NBEA: variants seen among roughly 807,000 people sequenced by gnomAD.
NBEA encodes the protein lysosomal-trafficking regulator 2.
Under a neutral mutation model 343.4 loss-of-function variants are expected in NBEA, and 44 were observed. The ratio of observed to expected loss-of-function variants is 0.13; its 90% confidence interval spans 0.10 to 0.16. The LOEUF is 0.16. Among genes scored for constraint, NBEA ranks in the 10% least tolerant of loss-of-function variants. The pLI, the probability that NBEA is intolerant of heterozygous loss-of-function variation, is 1.00. For synonymous variants in NBEA, 1,175 were observed against 1,238.7 expected, an observed-to-expected ratio of 0.95 and a Z score of 1.08; for missense variants, 2,555 against 3,631.3, an observed-to-expected ratio of 0.70 and a Z score of 7.62.
intron 1 of NBEA, among the ~76,000 whole-genome samples, chr13:34,987,148 G>A (rs1363467047): frequency 6.6e-6 from 1 of 151,066 alleles, no homozygotes; most frequent in African/African-American, 2.4e-5. Flanking sequence ...GCTGGTACTG[G>A]TTGCTGCTTT....
intron 41 of NBEA, among the ~76,000 whole-genome samples, chr13:35,537,087 A>G (rs956802219): frequency 2.0e-5 from 3 of 152,176 alleles, no homozygotes; most frequent in Admixed American, 6.5e-5. Context: ...GTAAGTAAGC[A>G]GTAGTGTCTA....
chr13:35,433,244 T>C (rs1594622216), intron 39 of NBEA, among the ~76,000 whole-genome samples: 1 of 152,134 alleles, frequency 6.6e-6, no homozygotes, highest in Non-Finnish European at 1.5e-5. Flanking sequence ...TTAAATGCTG[T>C]AACAAGTTAA....
intron 1 of NBEA, among the ~76,000 whole-genome samples, chr13:35,009,294 T>C (rs2061410407): frequency 6.6e-6 from 1 of 152,132 alleles, no homozygotes; most frequent in Non-Finnish European, 1.5e-5. Flanking sequence ...ACACCTGAAA[T>C]ACATAGTATG....
At chr13:35,290,498 G>T in intron 35 of NBEA, 48 bp downstream of exon 35, 2 of 1,328,056 alleles carry the variant, frequency 1.5e-6, no homozygotes, top group African/African-American at 2.9e-5. Context: ...AGGGTTTTTT[G>T]TGACTAATAA....
At chr13:35,655,524 T>C (rs914491957) in intron 54 of NBEA, 55 bp from the exon 55 acceptor site, 13 of 1,530,370 alleles carry the variant, frequency 8.5e-6, no homozygotes, top group East Asian at 2.3e-5. Context: ...GTTACACTTA[T>C]TACCATTTGA....
intron 28 of NBEA, among the ~76,000 whole-genome samples, chr13:35,181,778 C>T (rs927428166): frequency 1.3e-5 from 2 of 151,622 alleles, no homozygotes; most frequent in South Asian, 2.1e-4. Flanking sequence ...CCTGTTTATA[C>T]GATCAAAGAT....
intron 34 of NBEA, among the ~76,000 whole-genome samples, chr13:35,285,742 G>A (rs1201225294): frequency 6.6e-6 from 1 of 152,156 alleles, no homozygotes; most frequent in Non-Finnish European, 1.5e-5. Context: ...ACTGCTGACA[G>A]AAAGTGGTCT....
At chr13:35,162,946 A>G (rs2069682653) in intron 23 of NBEA, among the ~76,000 whole-genome samples, 1 of 152,140 alleles carries the variant, frequency 6.6e-6, no homozygotes, top group South Asian at 2.1e-4. Flanking sequence ...CTACTCATAT[A>G]CTTTCATTGC....
intron 37 of NBEA, among the ~76,000 whole-genome samples, chr13:35,350,820 T>C (rs1346158588): frequency 6.6e-6 from 1 of 150,852 alleles, no homozygotes; most frequent in East Asian, 2.0e-4. Flanking sequence ...ATTTTACAAG[T>C]CATGACATTT....
At chr13:35,489,814 A>G (rs1454996113) in intron 41 of NBEA, among the ~76,000 whole-genome samples, 1 of 151,960 alleles carries the variant, frequency 6.6e-6, no homozygotes, top group Non-Finnish European at 1.5e-5. Context: ...AATCAAACCT[A>G]CAAGTAAAAT....
At chr13:35,369,272 G>C (rs975404012) in intron 38 of NBEA, among the ~76,000 whole-genome samples, 2 of 148,306 alleles carry the variant, frequency 1.3e-5, no homozygotes, top group African/African-American at 5.0e-5. Context: ...ATTGGTCTAT[G>C]CATCTGTTTT....
intron 35 of NBEA, among the ~76,000 whole-genome samples, chr13:35,302,713 CCATT>C (rs1272486728): frequency 6.6e-6 from 1 of 152,094 alleles, no homozygotes; most frequent in Non-Finnish European, 1.5e-5. Context: ...TCTGTGTTTG[CCATT>C]CAATGTTGGC....
In NBEA at chr13:35,539,631, C is replaced by A. The variant is rs560222325; in HGVS notation, c.6586-10846C>A. Among the ~76,000 whole-genome samples the A allele has an allele frequency of 2.0e-5, 3 of 149,542 alleles. No homozygotes were observed. In the East Asian group the frequency reaches 5.9e-4, roughly 30 times the overall value. On this transcript the variant is annotated intron_variant, in intron 41 of 58. Transcript: ENST00000379939. ...TAATGGATTAAAATTAAAAAGTGCA[C>A]TAGGGCCGGGCGGGGTGGCTCACGC...
chr13:35,298,211 G>GTGTGTATATATATATA (rs1233681936), intron 35 of NBEA, among the ~76,000 whole-genome samples: 1 of 103,042 alleles, frequency 9.7e-6, no homozygotes, highest in African/African-American at 4.3e-5. Context: ...GTGTGTGTGT[G>GTGTGTATATATATATA]TATATATATA....
chr13:35,023,749 G>A (rs2061924901), intron 1 of NBEA, among the ~76,000 whole-genome samples: 1 of 152,144 alleles, frequency 6.6e-6, no homozygotes. Context: ...GGAAGACTGG[G>A]CAGGTCAGAT....
At chr13:35,309,434 G>A (rs2037208769) in intron 35 of NBEA, 94 bp from the exon 36 acceptor site, 1 of 657,968 alleles carries the variant, frequency 1.5e-6, no homozygotes, top group African/African-American at 1.9e-5. Flanking sequence ...ATATAATGTG[G>A]AAGTTATTAA....
At chr13:35,382,358 A>T (rs1178427344) in intron 38 of NBEA, among the ~76,000 whole-genome samples, 2 of 152,150 alleles carry the variant, frequency 1.3e-5, no homozygotes, top group African/African-American at 4.8e-5. Context: ...TAGTTATCTT[A>T]ATATTCAGAA....
chr13:34,973,108 C>T (rs577931448), intron 1 of NBEA, among the ~76,000 whole-genome samples: 1 of 152,252 alleles, frequency 6.6e-6, no homozygotes, highest in South Asian at 2.1e-4. Context: ...TTTCCAGTAC[C>T]TACCTGAAGG....
intron 38 of NBEA, among the ~76,000 whole-genome samples, chr13:35,414,481 G>T (rs1475931032): frequency 6.6e-6 from 1 of 151,962 alleles, no homozygotes; most frequent in Non-Finnish European, 1.5e-5. Context: ...ACATGTGGTG[G>T]TTGGTTTTCG....
Sources: allele counts gnomAD v4.1 joint callset (sites outside exome capture counted in the v4.1 genomes callset), GRCh38; gene constraint gnomAD v4.1.1; transcripts MANE v1.5; gene names NCBI Gene and HGNC (gene_info 2026-07-23, HGNC 2026-07-21).